The following CLDN10 variants were observed in gnomAD, a reference collection of about 807,000 sequenced individuals.
The protein encoded by CLDN10 is claudin 10, also known as claudin-10.
A neutral mutation model predicts 22.9 loss-of-function variants in CLDN10; 15 were observed. The ratio of observed to expected loss-of-function variants is 0.65; its 90% CI spans 0.44 to 1.01. The LOEUF (loss-of-function observed/expected upper bound fraction) is 1.01. Among genes scored for constraint, CLDN10 ranks in the 50% least tolerant of loss-of-function variants. The pLI is 0.00. For synonymous variants in CLDN10, 114 were observed against 111.4 expected (o/e 1.02, Z -0.15); for missense variants, 247 against 287.8 (o/e 0.86, Z 1.03).
At chr13:95,576,096 C>A (rs1347480488) in intron 3 of CLDN10, among the ~76,000 whole-genome samples, 1 of 152,170 alleles carries the variant, frequency 6.6e-6, no homozygotes, top group Non-Finnish European at 1.5e-5. Context: ...AGTGACACTT[C>A]AAGTAGGCAG....
chr13:95,524,562 A>G (rs1209911938), intron 1 of CLDN10, among the ~76,000 whole-genome samples: 2 of 152,226 alleles, frequency 1.3e-5, no homozygotes, highest in African/African-American at 4.8e-5. Flanking sequence ...TTCAGTTTAT[A>G]GAAATTTAGG....
chr13:95,550,976 G>GAGAT, upstream of CLDN10, among the ~76,000 whole-genome samples: 1 of 151,900 alleles, frequency 6.6e-6, no homozygotes, highest in Non-Finnish European at 1.5e-5. Context: ...CCCAGCCAGG[G>GAGAT]AGATACTTCT....
At chr13:95,524,400 T>C (rs2043256277) in intron 1 of CLDN10, among the ~76,000 whole-genome samples, 1 of 152,250 alleles carries the variant, frequency 6.6e-6, no homozygotes, top group Admixed American at 6.5e-5. Flanking sequence ...ACCAACATCA[T>C]GGAATTGTGT....
At chr13:95,485,015 T>A (rs896903187) in intron 1 of CLDN10, among the ~76,000 whole-genome samples, 3 of 152,064 alleles carry the variant, frequency 2.0e-5, no homozygotes, top group Non-Finnish European at 4.4e-5. Context: ...GATGGTTGAA[T>A]GTACAACATC....
At chr13:95,542,680 G>T (rs183029742) in intron 1 of CLDN10, among the ~76,000 whole-genome samples, 2 of 152,008 alleles carry the variant, frequency 1.3e-5, no homozygotes, top group Non-Finnish European at 2.9e-5. Context: ...GGTGGCGCAC[G>T]CCTGTAGTTG....
intron 1 of CLDN10, among the ~76,000 whole-genome samples, chr13:95,473,236 A>T (rs1566288067): frequency 6.6e-6 from 1 of 151,998 alleles, no homozygotes; most frequent in South Asian, 2.1e-4. Flanking sequence ...ATTACTAACA[A>T]CACAATTGAG....
intron 1 of CLDN10, among the ~76,000 whole-genome samples, chr13:95,455,856 G>A (rs182498663): frequency 9.2e-4 from 140 of 152,230 alleles, no homozygotes; most frequent in South Asian, 5.0e-3. Context: ...GAAATGTTCC[G>A]GATGTTTTGG....
intron 3 of CLDN10, among the ~76,000 whole-genome samples, chr13:95,569,150 G>A (rs1566343272): frequency 6.6e-6 from 1 of 152,140 alleles, no homozygotes; most frequent in East Asian, 1.9e-4. Flanking sequence ...TTAATGTATA[G>A]TATATTACCT....
chr13:95,576,989 T>G (rs1323069175), intron 3 of CLDN10, among the ~76,000 whole-genome samples: 1 of 152,204 alleles, frequency 6.6e-6, no homozygotes, highest in East Asian at 1.9e-4. Flanking sequence ...CTACTTTTGC[T>G]TTGACTTTGC....
intron 1 of CLDN10, among the ~76,000 whole-genome samples, chr13:95,509,512 A>G (rs2043073554): frequency 1.3e-5 from 2 of 152,216 alleles, no homozygotes; most frequent in Non-Finnish European, 2.9e-5. Flanking sequence ...AAAATTCATT[A>G]AAGAATTGTT....
chr13:95,467,038 GT>G (rs71113934), intron 1 of CLDN10, among the ~76,000 whole-genome samples: 47,274 of 127,480 alleles, frequency 0.37, 8,558 homozygotes, highest in Non-Finnish European at 0.44. Flanking sequence ...CACCATGCCC[GT>G]TTTTTTTTTT....
chr13:95,513,542 CT>C (rs2043128178), intron 1 of CLDN10, among the ~76,000 whole-genome samples: 1 of 143,078 alleles, frequency 7.0e-6, no homozygotes, highest in Admixed American at 6.8e-5. Flanking sequence ...CTCTCTCCTT[CT>C]TGGCTTCTAG....
chr13:95,442,846 G>T (rs569146067), intron 1 of CLDN10, among the ~76,000 whole-genome samples: 1 of 152,232 alleles, frequency 6.6e-6, no homozygotes, highest in African/African-American at 2.4e-5. Flanking sequence ...GTAATAATAC[G>T]AATCAACTCA....
At chr13:95,436,608 C>T (rs950446905) in intron 1 of CLDN10, among the ~76,000 whole-genome samples, 2 of 152,188 alleles carry the variant, frequency 1.3e-5, no homozygotes, top group African/African-American at 4.8e-5. Context: ...TCCCTAAGAA[C>T]AAGTACAATT....
chr13:95,475,380 C>T (rs17189706), intron 1 of CLDN10, among the ~76,000 whole-genome samples: 13,467 of 152,276 alleles, frequency 0.088, 861 homozygotes, highest in South Asian at 0.22. Context: ...CTGGGCAGAT[C>T]TGCTGAGCCT....
chr13:95,491,871 T>C (rs2042874859), intron 1 of CLDN10, among the ~76,000 whole-genome samples: 1 of 151,908 alleles, frequency 6.6e-6, no homozygotes, highest in Non-Finnish European at 1.5e-5. Flanking sequence ...CTTGATGTAG[T>C]ACACCCCCCT....
At chr13:95,555,047 G>GTTTTTTTTTTTTTTTTTT (rs71211686) in intron 1 of CLDN10, among the ~76,000 whole-genome samples, 1 of 108,674 alleles carries the variant, frequency 9.2e-6, no homozygotes, top group Admixed American at 1.1e-4. Flanking sequence ...TGTTAATCCA[G>GTTTTTTTTTTTTTTTTTT]TTTTTTTTTT....
In CLDN10 at chr13:95,517,021, T is replaced by C. The variant is rs867887046; in HGVS notation, c.215-43111T>C. Among the ~76,000 whole-genome samples, 587 of 115,880 alleles carry C rather than the reference T, an allele frequency of 5.1e-3. 1 individual carries two copies. Among genetic ancestry groups the C allele is most frequent in the African/African-American group, 0.019 (566 of 29,108 alleles). The allele number at this position is 115,880 out of a possible 152,430, so 76.0% of individuals were successfully genotyped here. A position where few individuals can be genotyped will look rare whatever the true frequency, so the allele number is the denominator to read the frequency against. On this transcript the variant is annotated intron_variant, in intron 1 of 4. Coordinates refer to the CLDN10 transcript ENST00000376873. ...TTCCTTCCTTCCTTCCTTCCTTCCT[T>C]CCTCCCTCCCTCTCTCCCTTTTTTC...
intron 1 of CLDN10, among the ~76,000 whole-genome samples, chr13:95,540,595 T>A (rs1286339542): frequency 6.6e-6 from 1 of 152,232 alleles, no homozygotes; most frequent in Admixed American, 6.5e-5. Flanking sequence ...TTGGCATATA[T>A]GCATTCTTTG....
Sources: gnomAD v4.1 joint callset for allele counts (sites outside exome capture counted in the v4.1 genomes callset) on GRCh38, gnomAD v4.1.1 for gene constraint, MANE v1.5 for transcripts, NCBI Gene and HGNC (gene_info 2026-07-23, HGNC 2026-07-21) for gene names.